NUBP2: variants seen among roughly 807,000 people sequenced by gnomAD.
NUBP2 encodes the protein cytosolic Fe-S cluster assembly factor NUBP2.
A neutral mutation model predicts 24.9 loss-of-function variants in NUBP2; 23 were observed. The ratio of observed to expected loss-of-function variants is 0.92; its 90% CI spans 0.66 to 1.31. NUBP2 has a LOEUF of 1.31. Ranked by LOEUF, NUBP2 falls within the 50% of genes most tolerant of loss-of-function variation. The pLI is 0.00. For missense variants in NUBP2, 403 were observed against 386.5 expected (o/e 1.04, Z -0.36); for synonymous variants, 186 against 170.9 (o/e 1.09, Z -0.69).
rs796332874 is a variant in NUBP2, at chr16:1,785,258, A to G, written c.17-1279A>G. On this transcript the variant is annotated intron_variant, in intron 1 of 6. Transcript: ENST00000262302. ...TCATGCTGACTGTGCTTTGCTGACA[A>G]TCTGCTTAGGAGCTGCCTCAGTTTG... The G allele has an allele frequency of 1.8e-5, 18 of 1,023,094 alleles. No individual in the cohort carries two copies. In the African/African-American group the frequency reaches 2.1e-4, roughly 12 times the overall value. 63.4% of individuals were successfully genotyped at this position (1,023,094 alleles called of 1,614,324 possible).
chr16:1,786,495 G>A (rs776492213), intron 1 of NUBP2, 42 bp from the exon 2 acceptor site: 5 of 1,523,470 alleles, frequency 3.3e-6, no homozygotes, highest in Non-Finnish European at 4.5e-6. Context: ...GGGCACAGTG[G>A]GCACCAGGAG....
At chr16:1,786,311 T>C (rs1291648969) in intron 1 of NUBP2, 2 of 568,472 alleles carry the variant, frequency 3.5e-6, no homozygotes, top group African/African-American at 1.9e-5. Flanking sequence ...CTCAGGCAGG[T>C]GCAGGGAGTG....
Position 1,786,830 on chromosome 16 carries a change from A to G in NUBP2, c.209A>G (p.His70Arg), listed in dbSNP as rs895757776. The part of the protein sequence containing the change: ...RMLGAQGRAV[H>R]QCDRGWAPVF... The stretch of plus-strand genomic sequence containing the variant: ...CTCGGGGCGCAGGGCAGGGCTGTGC[A>G]CCAGTGCGACCGCGGCTGGGCACCC... Residue 70 changes from histidine (H) to arginine (R), a missense_variant, in exon 3 of 7, where the codon CAC becomes CGC. By Grantham distance (29) the His-to-Arg change is conservative. Coordinates refer to ENST00000262302, the MANE Select transcript of NUBP2 (RefSeq NM_012225.4). 1.2e-6 allele frequency: 2 copies of G among 1,601,474 alleles called. No homozygotes were observed. Among genetic ancestry groups the G allele is most frequent in the South Asian group, 2.2e-5 (2 of 90,686 alleles).
At chr16:1,786,458 A>C (rs1896970873) in intron 1 of NUBP2, 79 bp from the exon 2 acceptor site, 8 of 1,241,398 alleles carry the variant, frequency 6.4e-6, no homozygotes, top group Non-Finnish European at 9.1e-6. Flanking sequence ...CGTGGGTGCA[A>C]GAGGCAGTGG....
At chr16:1,786,199 T>G in intron 1 of NUBP2, 1 of 366,620 alleles carries the variant, frequency 2.7e-6, no homozygotes. Context: ...AGTTTCATGA[T>G]CATGTGACCC....
intron 1 of NUBP2, chr16:1,784,984 G>A (rs772733359): frequency 3.6e-4 from 214 of 591,540 alleles, no homozygotes; most frequent in Non-Finnish European, 4.1e-4. Flanking sequence ...CCCAGGAGGC[G>A]GAGGTTGCAG....
chr16:1,783,413 C>G, intron 1 of NUBP2: 1 of 1,031,190 alleles, frequency 9.7e-7, no homozygotes, highest in Non-Finnish European at 1.2e-6. Context: ...CTAAATAAAT[C>G]ACACGCGCGC....
Position 1,786,741 on chromosome 16 carries a change from G to C in NUBP2, c.136-16G>C. 2 of 1,611,394 alleles carry C rather than the reference G, an allele frequency of 1.2e-6. No homozygotes were observed. The highest frequency in any genetic ancestry group is 1.7e-6 in the Non-Finnish European group (2 of 1,179,102). On this transcript the variant is annotated splice_polypyrimidine_tract_variant and intron_variant, in intron 2 of 6. Coordinates refer to ENST00000262302, the MANE Select transcript of NUBP2 (RefSeq NM_012225.4). Reference sequence around the variant, plus strand: ...CCTGGCGGTGCCCCCGGCCTAGGCTGTGCCGCTCCTTGCAGGTGGGAATCC... The same window carrying C: ...CCTGGCGGTGCCCCCGGCCTAGGCTCTGCCGCTCCTTGCAGGTGGGAATCC...
chr16:1,788,923 C>T lies in NUBP2; in HGVS notation c.*209C>T, dbSNP rs1321745751. 3.2e-6 allele frequency: 2 copies of T among 618,828 alleles called. No homozygotes were observed. Among genetic ancestry groups the T allele is most frequent in the East Asian group, 6.0e-5 (2 of 33,372 alleles). The allele number at this position is 618,828 out of a possible 1,614,324, so 38.3% of individuals were successfully genotyped here. ...GGCCTGCAGTGCCGTGGTCTGCGTG[C>T]TCTGCAGCTGTGAGACGGGGGCGGC... is the stretch of plus-strand genomic sequence containing the variant. On this transcript the variant is annotated 3_prime_UTR_variant, in exon 7 of 7. Transcript: ENST00000262302.
rs749655410 is a variant in NUBP2 at position 1,788,043 on chromosome 16, C to T, written c.592C>T (p.His198Tyr). The change falls in exon 5 of 7, where the codon CAC (histidine) becomes TAC (tyrosine). Residue 198 changes from histidine to tyrosine, a missense_variant. Transcript: ENST00000262302. ...VENMSGFTCP[H>Y]CTECTSVFSR... ...GAATATGAGCGGCTTCACCTGCCCACACTGCACGGTGAGTCCCGGGGGTTG... is the reference window on the plus strand; with the variant it reads ...GAATATGAGCGGCTTCACCTGCCCATACTGCACGGTGAGTCCCGGGGGTTG... The T allele has an allele frequency of 6.3e-7, 1 of 1,591,842 alleles. No homozygotes were observed. The highest frequency in any genetic ancestry group is 8.5e-7 in the Non-Finnish European group (1 of 1,172,290).
In NUBP2 at chr16:1,789,040, A is replaced by T. The variant is rs1055784203; in HGVS notation, c.*326A>T. 2.5e-4 allele frequency: 71 copies of T among 287,412 alleles called. No individual in the cohort carries two copies. Among genetic ancestry groups the T allele is most frequent in the Non-Finnish European group, 4.0e-4 (61 of 153,978 alleles). The allele number at this position is 287,412 out of a possible 1,614,324, so 17.8% of individuals were successfully genotyped here. A position where few individuals can be genotyped will look rare whatever the true frequency, so the allele number is the denominator to read the frequency against. On this transcript the variant is annotated 3_prime_UTR_variant, in exon 7 of 7. Transcript: ENST00000262302. ...GGAGCGCGGGACTTCTGCAGTCCTCAGGTGACCCCGGGCCTCCAGCACCCT... is the reference window on the plus strand; with the variant it reads ...GGAGCGCGGGACTTCTGCAGTCCTCTGGTGACCCCGGGCCTCCAGCACCCT...
At chr16:1,787,515 G>C (rs1897033388) in intron 3 of NUBP2, 162 bp from the exon 4 acceptor site, 1 of 922,628 alleles carries the variant, frequency 1.1e-6, no homozygotes, top group Admixed American at 2.1e-5. Flanking sequence ...TTGCACTCCT[G>C]CAGCGGGCCA....
chr16:1,785,399 C>G (rs887190632), intron 1 of NUBP2: 8 of 1,172,126 alleles, frequency 6.8e-6, no homozygotes, highest in African/African-American at 1.6e-5. Flanking sequence ...ACCATTCCCC[C>G]ACCTCTGCCA....
At position 1,788,901 on chromosome 16, in the gene NUBP2, C is replaced by G; in HGVS notation, c.*187C>G. ...GCACCAGCAGCTCTGCCTGGTTGGC[C>G]TGCAGTGCCGTGGTCTGCGTGCTCT... On this transcript the variant is annotated 3_prime_UTR_variant, in exon 7 of 7. Transcript: ENST00000262302. 1 of 758,750 alleles carries G rather than the reference C, an allele frequency of 1.3e-6. No individual in the cohort carries two copies. The allele number at this position is 758,750 out of a possible 1,614,324, so 47.0% of individuals were successfully genotyped here. A position where few individuals can be genotyped will look rare whatever the true frequency, so the allele number is the denominator to read the frequency against.
At position 1,788,665 on chromosome 16, in the gene NUBP2, C is replaced by T. The variant is rs537132086; in HGVS notation, c.767C>T (p.Thr256Ile). 1.6e-5 allele frequency: 25 copies of T among 1,612,406 alleles called. 1 individual carries two copies. Among genetic ancestry groups the T allele is most frequent in the African/African-American group, 8.0e-5 (6 of 74,932 alleles). Residue 256 changes from threonine to isoleucine, a missense_variant, in exon 7 of 7, where the codon ACC (threonine) becomes ATC (isoleucine). Transcript: ENST00000262302. ...FPGSPAFAAL[T>I]SIAQKILDAT... ...GGGAGCCCCGCCTTCGCTGCACTCA[C>T]CTCCATAGCCCAGAAGATTCTGGAC... is the stretch of plus-strand genomic sequence containing the variant.
intron 1 of NUBP2, chr16:1,784,960 G>A (rs1408690241): frequency 5.3e-6 from 2 of 378,154 alleles, no homozygotes; most frequent in Admixed American, 6.4e-5. Flanking sequence ...GCTGAGGCAC[G>A]AGAATTGCTT....
rs767981474 is a variant in NUBP2, at chr16:1,786,568, C to T, written c.48C>T (p.Ile16=). The T allele has an allele frequency of 8.3e-5, 134 of 1,605,708 alleles. 2 individuals are homozygous for T. In the South Asian group the frequency reaches 1.4e-3, roughly 17 times the overall value. The change falls in exon 2 of 7, where the codon ATC becomes ATT. Residue 16 remains isoleucine (I), a synonymous_variant. Coordinates refer to ENST00000262302, the MANE Select transcript of NUBP2 (RefSeq NM_012225.4). The part of the protein sequence containing the change: ...EPGNLAGVRH[I]ILVLSGKGGV... ...GAAACCTGGCCGGCGTCAGGCACAT[C>T]ATCCTGGTCCTCTCAGGAAAGGGGG...
At position 1,787,649 on chromosome 16, in the gene NUBP2, GACCGCCC is replaced by G. The variant is rs1396719058; in HGVS notation, c.335-27_335-21del. On this transcript the variant is annotated intron_variant, in intron 3 of 6. Coordinates refer to ENST00000262302, the MANE Select transcript of NUBP2 (RefSeq NM_012225.4). Reference sequence around the variant, plus strand: ...CACGTGTGCAGACCTGCCCTGCCCTGACCGCCCCGTCTGCCCCGTCTTTGCAGCGCTG... The same window carrying G: ...CACGTGTGCAGACCTGCCCTGCCCTGCGTCTGCCCCGTCTTTGCAGCGCTG... The G allele has an allele frequency of 4.4e-6, 7 of 1,609,016 alleles. No individual in the cohort carries two copies. In the South Asian group the frequency reaches 7.7e-5, roughly 18 times the overall value.
chr16:1,785,754 G>A, intron 1 of NUBP2: 1 of 1,289,140 alleles, frequency 7.8e-7, no homozygotes, highest in Non-Finnish European at 1.0e-6. Context: ...GGACTTGGGA[G>A]CCTTTGAACG....
Sources: allele counts gnomAD v4.1 joint callset, GRCh38; gene constraint gnomAD v4.1.1; transcripts MANE v1.5; gene names NCBI Gene and HGNC (gene_info 2026-07-23, HGNC 2026-07-21).